HERC5: variants seen among roughly 807,000 people sequenced by gnomAD.
HERC5 encodes the protein HECT and RLD domain containing E3 ubiquitin protein ligase 5.
HERC5 carries 99 observed loss-of-function variants against 119.6 expected under a neutral mutation model. The ratio of observed to expected loss-of-function variants is 0.83; its 90% CI spans 0.70 to 0.98. The LOEUF (loss-of-function observed/expected upper bound fraction) is 0.98. Among genes scored for constraint, HERC5 ranks in the 50% least tolerant of loss-of-function variants. HERC5 has a pLI of 0.00. For missense variants in HERC5, 1,267 were observed against 1,241.3 expected (o/e 1.02, Z -0.31); for synonymous variants, 478 against 445.9 (o/e 1.07, Z -0.91).
chr4:88,494,930 T>C (rs1318568375), intron 18 of HERC5, among the ~76,000 whole-genome samples: 1 of 152,230 alleles, frequency 6.6e-6, no homozygotes, highest in Non-Finnish European at 1.5e-5. Context: ...GAAGTGTTGA[T>C]GCTATATAGT....
chr4:88,489,043 G>A (rs1741552106), intron 15 of HERC5, 123 bp from the exon 16 acceptor site: 1 of 682,538 alleles, frequency 1.5e-6, no homozygotes, highest in South Asian at 2.0e-5. Context: ...GTGCATATAA[G>A]GTTCTTTTCA....
At chr4:88,468,597 A>G (rs541439853) in intron 8 of HERC5, among the ~76,000 whole-genome samples, 175 bp downstream of exon 8, 2 of 152,328 alleles carry the variant, frequency 1.3e-5, no homozygotes, top group South Asian at 4.1e-4. Context: ...TTCCCACAAA[A>G]ATCAGCAGAT....
At position 88,457,451 on chromosome 4, in the gene HERC5, G is replaced by A. The variant is rs1468214519; in HGVS notation, c.182G>A (p.Gly61Glu). Residue 61 changes from glycine (G) to glutamate (E), a missense_variant, in exon 1 of 23, where the codon GGG (glycine) becomes GAG (glutamate). This residue lies in a region of HERC5 where 777 missense variants were observed against 758.0 expected (regional missense o/e 1.03). Transcript: ENST00000264350. The stretch of plus-strand genomic sequence containing the variant: ...ACGCGCCAACTCTGCTGCTCGCCGG[G>A]GCGCCTCGCGGTCTTGGAACGCGGC... ...EVTRQLCCSPGRLAVLERGGA... is the reference protein window; with the variant it reads ...EVTRQLCCSPERLAVLERGGA... 2.2e-6 allele frequency: 3 copies of A among 1,349,034 alleles called. No homozygotes were observed. Among genetic ancestry groups the A allele is most frequent in the Non-Finnish European group, 2.8e-6 (3 of 1,054,034 alleles). The allele number at this position is 1,349,034 out of a possible 1,614,324, so 83.6% of individuals were successfully genotyped here.
intron 12 of HERC5, among the ~76,000 whole-genome samples, chr4:88,477,085 A>C (rs1741089464): frequency 6.9e-6 from 1 of 143,944 alleles, no homozygotes; most frequent in East Asian, 2.0e-4. Flanking sequence ...TTTTTTAAGA[A>C]TCTCATTTGA....
intron 10 of HERC5, among the ~76,000 whole-genome samples, chr4:88,472,168 A>G (rs1323724192): frequency 1.3e-5 from 2 of 151,980 alleles, no homozygotes; most frequent in African/African-American, 2.4e-5. Flanking sequence ...TTTTTAATCT[A>G]TTACAGATAA....
At chr4:88,473,188 T>C (rs1166967764) in intron 11 of HERC5, 1 of 152,110 alleles carries the variant, frequency 6.6e-6, no homozygotes, top group African/African-American at 2.4e-5. Context: ...GTAGTTTTTA[T>C]TATTTCCCTA....
At position 88,457,367 on chromosome 4, in the gene HERC5, T is replaced by G; in HGVS notation, c.98T>G (p.Leu33Arg). Residue 33 changes from leucine to arginine, a missense_variant, in exon 1 of 23, where the codon CTC becomes CGC. Leu to Arg is a moderately radical substitution (Grantham distance 102). This residue lies in a region of HERC5 where 777 missense variants were observed against 758.0 expected (regional missense o/e 1.03). Coordinates refer to ENST00000264350, the MANE Select transcript of HERC5 (RefSeq NM_016323.4). ...CCCGCGAAGTCTCCGGGCGCACAGC[T>G]CTGGCTCTTTCCCAGCGCCGCGGGC... ...TQPAKSPGAQ[L>R]WLFPSAAGLH... The G allele has an allele frequency of 7.0e-7, 1 of 1,422,568 alleles. No individual in the cohort carries two copies. Among genetic ancestry groups the G allele is most frequent in the African/African-American group, 1.5e-5 (1 of 67,592 alleles). 88.1% of individuals were successfully genotyped at this position (1,422,568 alleles called of 1,614,324 possible).
chr4:88,468,350 C>G lies in HERC5; in HGVS notation c.1062C>G (p.Ser354Arg). 1 of 1,606,806 alleles carries G rather than the reference C, an allele frequency of 6.2e-7. No homozygotes were observed. The highest frequency in any genetic ancestry group is 8.5e-7 in the Non-Finnish European group (1 of 1,175,690). ...VSSSEELKLE[S>R]HTSEKELIMI... is the part of the protein sequence containing the mutation. ...ACTCTTTGTGCATCCTTTCAGAAAG[C>G]CATACCTCAGAAAAGGAGTTAATAA... The change falls in exon 8 of 23, where the codon AGC becomes AGG. Residue 354 changes from serine to arginine, a missense_variant. Physicochemically the swap from Ser to Arg is moderately radical, Grantham distance 110. This residue lies in a region of HERC5 where 777 missense variants were observed against 758.0 expected (regional missense o/e 1.03). Transcript: ENST00000264350.
chr4:88,504,473 C>CT (rs747894300), intron 21 of HERC5, 22 bp from the exon 22 acceptor site: 17 of 1,565,054 alleles, frequency 1.1e-5, no homozygotes, highest in East Asian at 4.5e-5. Context: ...TCCTCAATAA[C>CT]TTTTTTTTGT....
Position 88,487,159 on chromosome 4 carries a change from GAC to G in HERC5, c.1947_1948del (p.Leu650PhefsTer6), listed in dbSNP as rs1322996391. ...GTCGAAAATTAAACTACTACATACA[GAC>G]ACACTTTTAAAAATAGAGGTATGTA... ...NLSKIKLLHTDTLLKIESKKH... is the reference protein window; with the variant it reads ...NLSKIKLLHTXTLLKIESKKH... On this transcript the variant is annotated frameshift_variant, in exon 15 of 23. Coordinates refer to ENST00000264350, the MANE Select transcript of HERC5 (RefSeq NM_016323.4). LOFTEE classifies it high-confidence loss of function. The G allele has an allele frequency of 1.3e-6, 2 of 1,570,122 alleles. No individual in the cohort carries two copies. The highest frequency in any genetic ancestry group is 1.7e-5 in the Admixed American group (1 of 59,698).
chr4:88,487,954 T>TATATGTATGTATAATATTCAA (rs1161850976), intron 15 of HERC5, among the ~76,000 whole-genome samples: 14 of 152,204 alleles, frequency 9.2e-5, no homozygotes, highest in African/African-American at 3.1e-4. Context: ...AGACATATGT[T>TATATGTATGTATAATATTCAA]ATATGTATGT....
chr4:88,467,072 G>T lies in HERC5; in HGVS notation c.925G>T (p.Ala309Ser), dbSNP rs1239411688. Residue 309 changes from alanine (A) to serine (S), a missense_variant, in exon 7 of 23, where the codon GCC (alanine) becomes TCC (serine). Ala to Ser is a moderately conservative substitution (Grantham distance 99). This residue lies in a region of HERC5 where 777 missense variants were observed against 758.0 expected (regional missense o/e 1.03). Transcript: ENST00000264350. The part of the protein sequence containing the change: ...QIACGRWHTL[A>S]YVSDLGKVFS... ...TTTATTTAATAGGTGGCACACACTT[G>T]CCTATGTTTCTGATTTGGGAAAGGT... is the stretch of plus-strand genomic sequence containing the variant. 6.2e-7 allele frequency: 1 copy of T among 1,614,104 alleles called. No individual in the cohort carries two copies. Among genetic ancestry groups the T allele is most frequent in the African/African-American group, 1.3e-5 (1 of 75,048 alleles).
intron 4 of HERC5, 126 bp downstream of exon 4, chr4:88,462,482 T>C: frequency 1.3e-6 from 1 of 773,260 alleles, no homozygotes; most frequent in Non-Finnish European, 2.1e-6. Flanking sequence ...TGATTACCTC[T>C]CTGTCTTCAG....
intron 13 of HERC5, among the ~76,000 whole-genome samples, chr4:88,483,716 A>G (rs904564637): frequency 4.0e-5 from 6 of 151,464 alleles, no homozygotes; most frequent in Non-Finnish European, 8.8e-5. Flanking sequence ...TTTTGTAGAG[A>G]TGGGGTTTCA....
Position 88,470,655 on chromosome 4 carries a change from G to C in HERC5, c.1280G>C (p.Gly427Ala), listed in dbSNP as rs143589817. The C allele has an allele frequency of 4.8e-5, 71 of 1,490,744 alleles. No homozygotes were observed. The highest frequency in any genetic ancestry group is 6.5e-5 in the Non-Finnish European group (70 of 1,073,740). 92.3% of individuals were successfully genotyped at this position (1,490,744 alleles called of 1,614,324 possible). Residue 427 changes from glycine (G) to alanine (A), a missense_variant, in exon 10 of 23, where the codon GGA becomes GCA. Coordinates refer to ENST00000264350, the MANE Select transcript of HERC5 (RefSeq NM_016323.4). The stretch of plus-strand genomic sequence containing the variant: ...TTTTCATCTCCTGCTTGTCTAACTG[G>C]AAGTTTTTTAAGGAAAAGGTAATAT... ...EIFSSPACLT[G>A]SFLRKRRTTE... is the part of the protein sequence containing the mutation.
rs1232555119 is a variant in HERC5 at position 88,457,513 on chromosome 4, A to G, written c.244A>G (p.Ser82Gly). The G allele has an allele frequency of 7.8e-6, 10 of 1,280,558 alleles. No individual in the cohort carries two copies. The highest frequency in any genetic ancestry group is 3.0e-5 in the African/African-American group (2 of 65,644). 79.3% of individuals were successfully genotyped at this position (1,280,558 alleles called of 1,614,324 possible). A position where few individuals can be genotyped will look rare whatever the true frequency, so the allele number is the denominator to read the frequency against. The change falls in exon 1 of 23, where the codon AGC (serine) becomes GGC (glycine). Residue 82 changes from serine (S) to glycine (G), a missense_variant. This residue lies in a region of HERC5 where 777 missense variants were observed against 758.0 expected (regional missense o/e 1.03). Coordinates refer to ENST00000264350, the MANE Select transcript of HERC5 (RefSeq NM_016323.4). ...CCAGGTTCACCAGCTGCTCGCCGGG[A>G]GCGGCGGCGCCCGGACGCCGAGTGA... Reference protein sequence around the residue: ...GVQVHQLLAGSGGARTPKCIK... With the variant: ...GVQVHQLLAGGGGARTPKCIK...
rs184390353 is a variant in HERC5, at chr4:88,484,604, G to A, written c.1738-1511G>A. 2.1e-3 allele frequency among the ~76,000 whole-genome samples: 319 copies of A among 152,306 alleles called. 1 individual carries two copies. The highest frequency in any genetic ancestry group is 3.8e-3 in the Non-Finnish European group (257 of 68,016). On this transcript the variant is annotated intron_variant, in intron 13 of 22. Transcript: ENST00000264350. ...TTGGAACAGTTTGCCTTGTGGTCCT[G>A]GGGTCAAGGTGGAGGTGGAGTGATT...
At chr4:88,496,853 C>G (rs940003701) in intron 18 of HERC5, among the ~76,000 whole-genome samples, 1 of 152,150 alleles carries the variant, frequency 6.6e-6, no homozygotes, top group African/African-American at 2.4e-5. Flanking sequence ...TTGTCAGGGT[C>G]TGAATGTGTC....
chr4:88,462,644 C>T (rs539528929), intron 4 of HERC5, among the ~76,000 whole-genome samples: 1 of 152,326 alleles, frequency 6.6e-6, no homozygotes, highest in South Asian at 2.1e-4. Context: ...AACTGCAAGC[C>T]TTGCCCAGTC....
Sources: gnomAD v4.1 joint callset for allele counts (sites outside exome capture counted in the v4.1 genomes callset) on GRCh38, gnomAD v4.1.1 for gene constraint, gnomAD v4.1.1 regional missense constraint, MANE v1.5 for transcripts, NCBI Gene and HGNC (gene_info 2026-07-23, HGNC 2026-07-21) for gene names.